PRTFDC1: variants seen among roughly 807,000 people sequenced by gnomAD.
PRTFDC1 encodes the protein phosphoribosyltransferase domain-containing protein 1.
A neutral mutation model predicts 34.6 loss-of-function variants in PRTFDC1; 38 were observed. That is an observed-to-expected ratio of 1.10 (90% CI 0.85 to 1.44). The LOEUF (loss-of-function observed/expected upper bound fraction) is 1.44, where lower values mean the gene tolerates loss of function less well. Ranked by LOEUF, PRTFDC1 falls within the 40% of genes most tolerant of loss-of-function variation. The pLI, the probability that PRTFDC1 is intolerant of heterozygous loss-of-function variation, is 0.00. For synonymous variants in PRTFDC1, 93 were observed against 98.1 expected (o/e 0.95, Z 0.31); for missense variants, 270 against 283.0 (o/e 0.95, Z 0.33).
Position 24,858,285 on chromosome 10 carries a change from T to C in PRTFDC1, c.423+107A>G, listed in dbSNP as rs1374037571. Reference sequence around the variant, plus strand: ...TTAAATTTGGAGAGCATGCACCCAGTGGGAGCTCAAGAAATCCTTGGTCAA... The same window carrying C: ...TTAAATTTGGAGAGCATGCACCCAGCGGGAGCTCAAGAAATCCTTGGTCAA... On this transcript the variant is annotated intron_variant, in intron 5 of 8. Transcript: ENST00000320152. 4 of 1,222,634 alleles carry C rather than the reference T, an allele frequency of 3.3e-6. No homozygotes were observed. In the African/African-American group the frequency reaches 6.0e-5, roughly 18 times the overall value. 75.7% of individuals were successfully genotyped at this position (1,222,634 alleles called of 1,614,324 possible).
chr10:24,911,461 G>A (rs75073347), intron 3 of PRTFDC1, among the ~76,000 whole-genome samples: 3 of 152,182 alleles, frequency 2.0e-5, no homozygotes, highest in South Asian at 4.1e-4. Context: ...ATTCATGGAC[G>A]TACCACAGTT....
intron 3 of PRTFDC1, among the ~76,000 whole-genome samples, chr10:24,921,541 C>A (rs1177041809): frequency 6.6e-6 from 1 of 151,980 alleles, no homozygotes; most frequent in Non-Finnish European, 1.5e-5. Context: ...GACTCATCAC[C>A]AACTGCTGGC....
intron 4 of PRTFDC1, among the ~76,000 whole-genome samples, chr10:24,859,268 AT>A (rs1193320445): frequency 1.3e-5 from 2 of 150,962 alleles, no homozygotes; most frequent in Non-Finnish European, 1.5e-5. Flanking sequence ...CTCTGCCATA[AT>A]TTTTTTTTGA....
chr10:24,943,569 G>C (rs1849205024), intron 1 of PRTFDC1, among the ~76,000 whole-genome samples: 1 of 142,840 alleles, frequency 7.0e-6, no homozygotes, highest in Admixed American at 7.2e-5. Context: ...TTCTCTCTCT[G>C]AGACAGGGTC....
At chr10:24,928,273 G>T (rs974774706) in intron 3 of PRTFDC1, among the ~76,000 whole-genome samples, 1 of 151,326 alleles carries the variant, frequency 6.6e-6, no homozygotes, top group Non-Finnish European at 1.5e-5. Context: ...ATGTATGTGT[G>T]TGTGCATGTG....
intron 4 of PRTFDC1, among the ~76,000 whole-genome samples, chr10:24,860,791 T>G (rs1218254100): frequency 6.6e-6 from 1 of 152,214 alleles, no homozygotes; most frequent in Non-Finnish European, 1.5e-5. Flanking sequence ...TCTATGATCC[T>G]AACAACCAAT....
intron 6 of PRTFDC1, 59 bp downstream of exon 6, chr10:24,856,854 A>T: frequency 1.4e-6 from 2 of 1,404,514 alleles, no homozygotes; most frequent in Non-Finnish European, 2.0e-6. Flanking sequence ...CTGTGTTAGC[A>T]TCCCTTTTGG....
intron 3 of PRTFDC1, among the ~76,000 whole-genome samples, chr10:24,883,818 CT>C (rs71399940): frequency 0.53 from 50,946 of 96,462 alleles, 11,586 homozygotes; most frequent in Non-Finnish European, 0.57. Flanking sequence ...CTTAAGAGAC[CT>C]TTTTTTTTTT....
At chr10:24,873,889 A>C (rs1185684440) in intron 3 of PRTFDC1, among the ~76,000 whole-genome samples, 1 of 151,346 alleles carries the variant, frequency 6.6e-6, no homozygotes, top group South Asian at 2.1e-4. Context: ...AAAAAAAAAA[A>C]GACCTTATAA....
intron 3 of PRTFDC1, among the ~76,000 whole-genome samples, chr10:24,909,323 A>G (rs1477271713): frequency 6.6e-6 from 1 of 152,236 alleles, no homozygotes; most frequent in Admixed American, 6.5e-5. Context: ...AGAAAGAGAT[A>G]TTGTAGAACT....
chr10:24,881,220 C>T (rs1314794654), intron 3 of PRTFDC1, among the ~76,000 whole-genome samples: 1 of 140,142 alleles, frequency 7.1e-6, no homozygotes, highest in Non-Finnish European at 1.6e-5. Context: ...ATGTGCACCA[C>T]TACACCCAGC....
intron 1 of PRTFDC1, among the ~76,000 whole-genome samples, chr10:24,947,264 G>A (rs1374250134): frequency 2.0e-5 from 3 of 152,192 alleles, no homozygotes; most frequent in Middle Eastern, 3.2e-3. Flanking sequence ...GATGAAAGTC[G>A]ATTCAAGACG....
chr10:24,919,262 A>G (rs1321904396), intron 3 of PRTFDC1, among the ~76,000 whole-genome samples: 1 of 152,192 alleles, frequency 6.6e-6, no homozygotes, highest in African/African-American at 2.4e-5. Context: ...CCAAAACAGC[A>G]TGGTACAAGT....
rs550381144 is a variant in PRTFDC1 at position 24,894,395 on chromosome 10, G to C, written c.340-22332C>G. ...GGGCACTGCTGGCCCTTTGGCCGTG[G>C]GAAGTGCTGCATGAGCTGTGAGTCA... is the stretch of plus-strand genomic sequence containing the variant. On this transcript the variant is annotated intron_variant, in intron 3 of 8. Coordinates refer to ENST00000320152, the MANE Select transcript of PRTFDC1 (RefSeq NM_020200.7). Among the ~76,000 whole-genome samples the C allele has an allele frequency of 5.2e-4, 79 of 152,142 alleles. 2 individuals are homozygous for C. Among genetic ancestry groups the C allele is most frequent in the Non-Finnish European group, 5.1e-4 (35 of 68,018 alleles).
At chr10:24,857,714 T>C (rs1417070144) in intron 5 of PRTFDC1, among the ~76,000 whole-genome samples, 6 of 152,188 alleles carry the variant, frequency 3.9e-5, no homozygotes, top group African/African-American at 1.4e-4. Flanking sequence ...CAGATGCACA[T>C]GGCGCACACA....
chr10:24,862,156 T>C (rs1847689873), intron 4 of PRTFDC1, among the ~76,000 whole-genome samples: 1 of 152,184 alleles, frequency 6.6e-6, no homozygotes, highest in Non-Finnish European at 1.5e-5. Flanking sequence ...AAAGGTATCA[T>C]GAATTCTTTA....
At chr10:24,883,797 G>A (rs1409760912) in intron 3 of PRTFDC1, among the ~76,000 whole-genome samples, 6 of 150,170 alleles carry the variant, frequency 4.0e-5, no homozygotes, top group Non-Finnish European at 5.9e-5. Flanking sequence ...ATATCCTAGC[G>A]GTGATCATTT....
intron 4 of PRTFDC1, among the ~76,000 whole-genome samples, chr10:24,870,181 C>T (rs748471805): frequency 4.6e-5 from 7 of 152,226 alleles, no homozygotes; most frequent in Non-Finnish European, 1.0e-4. Flanking sequence ...GCCATCATAG[C>T]TCACTGCAGC....
At chr10:24,902,595 T>C (rs1848467053) in intron 3 of PRTFDC1, among the ~76,000 whole-genome samples, 1 of 152,188 alleles carries the variant, frequency 6.6e-6, no homozygotes, top group African/African-American at 2.4e-5. Context: ...GGAAAGGCGA[T>C]TTTTCTAGGT....
Sources: allele counts gnomAD v4.1 joint callset (sites outside exome capture counted in the v4.1 genomes callset), GRCh38; gene constraint gnomAD v4.1.1; transcripts MANE v1.5; gene names NCBI Gene and HGNC (gene_info 2026-07-23, HGNC 2026-07-21).